Variants in MYH3 observed in about 807,000 individuals in gnomAD.
MYH3 encodes the protein myosin-3.
Under a neutral mutation model 238.0 loss-of-function variants are expected in MYH3, and 130 were observed. The ratio of observed to expected loss-of-function variants is 0.55; its 90% confidence interval spans 0.47 to 0.63. MYH3 has a LOEUF of 0.63. Ranked by LOEUF, MYH3 falls within the 30% of genes least tolerant of loss-of-function variation. The pLI, the probability that MYH3 is intolerant of heterozygous loss-of-function variation, is 0.00. For synonymous variants in MYH3, 880 were observed against 924.1 expected (o/e 0.95, Z 0.86); for missense variants, 1,853 against 2,374.9 (o/e 0.78, Z 4.57).
chr17:10,629,055 A>C lies in MYH3; in HGVS notation c.5797-376T>G, dbSNP rs545726207. ...TTGTTTTGTTGGGATACATGTGCAG[A>C]ACGTGCAGGTTTGTTACATAGGTAT... On this transcript the variant is annotated intron_variant, in intron 40 of 40. Transcript: ENST00000583535. Among the ~76,000 whole-genome samples the C allele has an allele frequency of 2.1e-4, 32 of 152,124 alleles. 1 individual carries two copies. In the South Asian group the frequency reaches 6.2e-3, roughly 30 times the overall value.
intron 31 of MYH3, 138 bp downstream of exon 31, chr17:10,634,702 C>T (rs564386496): frequency 1.6e-5 from 16 of 998,354 alleles, no homozygotes; most frequent in African/African-American, 4.7e-5. Context: ...AACTACAGCC[C>T]GGTGAAGTTC....
rs1390439681 is a variant in MYH3, at chr17:10,642,216, C to T, written c.1959+24G>A. 6.2e-7 allele frequency: 1 copy of T among 1,601,746 alleles called. No individual in the cohort carries two copies. The highest frequency in any genetic ancestry group is 1.7e-5 in the Admixed American group (1 of 59,822). ...AGATGTCACTTAAATCAATTATAAG[C>T]AAATAAACTTGTATTTTTCTTACCC... On this transcript the variant is annotated intron_variant, in intron 17 of 40. Coordinates refer to ENST00000583535, the MANE Select transcript of MYH3 (RefSeq NM_002470.4). The surrounding 1 kb of genome is among the most constrained non-coding windows in gnomAD (Gnocchi z 5.4).
At position 10,649,419 on chromosome 17, in the gene MYH3, T is replaced by C. The variant is rs114691827; in HGVS notation, c.642+158A>G. On this transcript the variant is annotated intron_variant, in intron 7 of 40. Transcript: ENST00000583535. ...CCTACAAGACCAACTTGACACTGCG[T>C]TGTCTAAGGTGACTGGCTGTCCTTC... is the stretch of plus-strand genomic sequence containing the variant. Among the ~76,000 whole-genome samples, 631 of 152,340 alleles carry C rather than the reference T, an allele frequency of 4.1e-3. 5 individuals carry two copies. The highest frequency in any genetic ancestry group is 0.015 in the African/African-American group (611 of 41,582).
intron 32 of MYH3, 23 bp from the exon 33 acceptor site, chr17:10,633,738 T>C: frequency 6.2e-7 from 1 of 1,613,570 alleles, no homozygotes; most frequent in East Asian, 2.2e-5. Context: ...AAGTTTCAGT[T>C]GCATATGAGC....
the MYH3 span, among the ~76,000 whole-genome samples, chr17:10,664,569 A>C: frequency 3.3e-5 from 5 of 152,068 alleles, no homozygotes; most frequent in Non-Finnish European, 5.9e-5. Flanking sequence ...TGAAAGGGAG[A>C]GCTGGTGCTG....
At position 10,629,718 on chromosome 17, in the gene MYH3, G is replaced by A. The variant is rs754458917; in HGVS notation, c.5675C>T (p.Ala1892Val). The part of the protein sequence containing the change: ...QAEEADEQAN[A>V]HLTKFRKAQH... Reference sequence around the variant, plus strand: ...AGCCTTTCGGAATTTGGTGAGATGAGCATTGGCTTGTTCATCCTAAAACCA... The same window carrying A: ...AGCCTTTCGGAATTTGGTGAGATGAACATTGGCTTGTTCATCCTAAAACCA... The change falls in exon 40 of 41, where the codon GCT (alanine) becomes GTT (valine). Residue 1892 changes from alanine (A) to valine (V), a missense_variant. Around this residue, in one of 3 missense-constraint regions of MYH3, gnomAD observed 1,044 missense variants for 1,192.6 expected, o/e 0.88. Coordinates refer to ENST00000583535, the MANE Select transcript of MYH3 (RefSeq NM_002470.4). 3.1e-6 allele frequency: 5 copies of A among 1,614,236 alleles called. No homozygotes were observed. Among genetic ancestry groups the A allele is most frequent in the Non-Finnish European group, 3.4e-6 (4 of 1,180,040 alleles).
At chr17:10,660,489 C>T (rs141723439), upstream of MYH3, among the ~76,000 whole-genome samples, 5,979 of 150,470 alleles carry the variant, frequency 0.04, 138 homozygotes, top group South Asian at 0.074. Context: ...TCCTGGCTAA[C>T]ACAGTGAAAC....
chr17:10,645,849 G>A lies in MYH3; in HGVS notation c.1003-4C>T. Reference sequence around the variant, plus strand: ...AGCCCAGGATGTCAATGGCGCTCTGGCATGGAAAGGGCAGCACGTCAGTCA... The same window carrying A: ...AGCCCAGGATGTCAATGGCGCTCTGACATGGAAAGGGCAGCACGTCAGTCA... On this transcript the variant is annotated splice_region_variant and splice_polypyrimidine_tract_variant and intron_variant, in intron 11 of 40. Transcript: ENST00000583535. 1 of 1,613,920 alleles carries A rather than the reference G, an allele frequency of 6.2e-7. No homozygotes were observed. The highest frequency in any genetic ancestry group is 8.5e-7 in the Non-Finnish European group (1 of 1,180,016).
At chr17:10,658,416 G>A (rs1235833121), upstream of MYH3, 1 of 152,286 alleles carries the variant, frequency 6.6e-6, no homozygotes, top group East Asian at 1.9e-4. Context: ...AGGTCTGCGT[G>A]GGACCGGGGA....
chr17:10,650,458 T>C, intron 5 of MYH3, 57 bp from the exon 6 acceptor site: 3 of 1,491,718 alleles, frequency 2.0e-6, no homozygotes, highest in Non-Finnish European at 2.8e-6. Context: ...GCTTCCCGAT[T>C]CTACCCAACT....
At chr17:10,645,027 A>C (rs1235896674) in intron 12 of MYH3, among the ~76,000 whole-genome samples, 5 of 144,686 alleles carry the variant, frequency 3.5e-5, no homozygotes, top group Non-Finnish European at 7.6e-5. Context: ...AGATGGAAGG[A>C]TTAATCGCTT....
chr17:10,633,862 C>T (rs1180181955), intron 32 of MYH3, 147 bp from the exon 33 acceptor site: 31 of 1,478,798 alleles, frequency 2.1e-5, no homozygotes, highest in Admixed American at 5.0e-5. Flanking sequence ...CAGAGAGAGG[C>T]TAAAACGTAA....
At chr17:10,657,075 TG>T (rs1450388744) in intron 1 of MYH3, among the ~76,000 whole-genome samples, 2 of 151,958 alleles carry the variant, frequency 1.3e-5, no homozygotes, top group Non-Finnish European at 2.9e-5. Flanking sequence ...GGCTCCTGCT[TG>T]GGGGAGGTGC....
chr17:10,659,316 T>C (rs934030589), upstream of MYH3, among the ~76,000 whole-genome samples: 4 of 152,216 alleles, frequency 2.6e-5, no homozygotes, highest in African/African-American at 9.7e-5. Context: ...GCTGATGGCT[T>C]CTCGCCTGGC....
Position 10,635,718 on chromosome 17 carries a change from T to G in MYH3, c.3975+17A>C, listed in dbSNP as rs1322285106. 2 of 1,612,882 alleles carry G rather than the reference T, an allele frequency of 1.2e-6. No individual in the cohort carries two copies. The highest frequency in any genetic ancestry group is 2.2e-5 in the South Asian group (2 of 91,044). On this transcript the variant is annotated intron_variant, in intron 29 of 40. Transcript: ENST00000583535. ...ATTTAAAAATAAGGGCAAAGAAGTCTTCCTTCAATGGTGTACCTTGTTCTC... is the reference window on the plus strand; with the variant it reads ...ATTTAAAAATAAGGGCAAAGAAGTCGTCCTTCAATGGTGTACCTTGTTCTC...
In MYH3 at chr17:10,629,616, C is replaced by T; in HGVS notation, c.5777G>A (p.Arg1926Gln). The T allele has an allele frequency of 2.5e-6, 4 of 1,613,674 alleles. No homozygotes were observed. Among genetic ancestry groups the T allele is most frequent in the Non-Finnish European group, 3.4e-6 (4 of 1,180,050 alleles). ...SQVNKLRAKT[R>Q]DFTSSRMVVH... The stretch of plus-strand genomic sequence containing the variant: ...ACTCACCCTGCTGGAGGTGAAGTCT[C>T]GAGTCTTAGCGCGGAGCTTGTTGAC... Residue 1926 changes from arginine (R) to glutamine (Q), a missense_variant, in exon 40 of 41, where the codon CGA becomes CAA. Arg to Gln is a conservative substitution (Grantham distance 43, BLOSUM62 1). Transcript: ENST00000583535.
At chr17:10,635,957 T>A in intron 28 of MYH3, 104 bp from the exon 29 acceptor site, 1 of 964,280 alleles carries the variant, frequency 1.0e-6, no homozygotes. Context: ...AGACAGAAAA[T>A]GATAAGATAT....
At chr17:10,652,671 G>T in intron 3 of MYH3, 108 bp from the exon 4 acceptor site, 1 of 1,261,156 alleles carries the variant, frequency 7.9e-7, no homozygotes, top group Non-Finnish European at 1.1e-6. Context: ...GCCCAGGCTG[G>T]AGTGCAGTGA....
chr17:10,652,557 C>T lies in MYH3; in HGVS notation c.211G>A (p.Val71Met). Residue 71 changes from valine (V) to methionine (M), a missense_variant, in exon 4 of 41, where the codon GTG (valine) becomes ATG (methionine). Around this residue, in one of 3 missense-constraint regions of MYH3, gnomAD observed 131 missense variants for 123.5 expected, o/e 1.06. Coordinates refer to ENST00000583535, the MANE Select transcript of MYH3 (RefSeq NM_002470.4). ...TVETEDNRTL[V>M]VKPEDVYAMN... is the part of the protein sequence containing the mutation. Reference sequence around the variant, plus strand: ...GCGTACACATCCTCTGGTTTGACCACCAGGGTCTAAAAAGGAAGAGGCACA... The same window carrying T: ...GCGTACACATCCTCTGGTTTGACCATCAGGGTCTAAAAAGGAAGAGGCACA... 6.2e-7 allele frequency: 1 copy of T among 1,609,694 alleles called. No homozygotes were observed. The highest frequency in any genetic ancestry group is 8.5e-7 in the Non-Finnish European group (1 of 1,177,638).
Sources: gnomAD v4.1 joint callset for allele counts (sites outside exome capture counted in the v4.1 genomes callset) on GRCh38, gnomAD v4.1.1 for gene constraint, gnomAD v4.1.1 regional missense constraint, Gnocchi (gnomAD v3.1) non-coding constraint, MANE v1.5 for transcripts, NCBI Gene and HGNC (gene_info 2026-07-23, HGNC 2026-07-21) for gene names.